ABCB4: variants seen among roughly 807,000 people sequenced by gnomAD.
ABCB4 encodes ATP binding cassette subfamily B member 4, also known as phosphatidylcholine translocator ABCB4.
Under a neutral mutation model 145.7 loss-of-function variants are expected in ABCB4, and 76 were observed. The observed-to-expected ratio is 0.52, with a 90% CI of 0.43 to 0.63. The LOEUF (loss-of-function observed/expected upper bound fraction) is 0.63. Among genes scored for constraint, ABCB4 ranks in the 30% least tolerant of loss-of-function variants. The pLI, the probability that ABCB4 is intolerant of heterozygous loss-of-function variation, is 0.00. For missense variants in ABCB4, 1,234 were observed against 1,553.1 expected, an observed-to-expected ratio of 0.79 and a Z score of 3.45; for synonymous variants, 517 against 566.8, an observed-to-expected ratio of 0.91 and a Z score of 1.25.
the ABCB4 span, among the ~76,000 whole-genome samples, chr7:87,367,581 T>G: frequency 4.8e-4 from 73 of 152,370 alleles, no homozygotes; most frequent in African/African-American, 1.7e-3. Flanking sequence ...TGCAATATGT[T>G]ACTGCAAATT....
rs897768452 is a variant in ABCB4 at position 87,447,051 on chromosome 7, T to C, written c.988A>G (p.Ile330Val). Residue 330 changes from isoleucine (I) to valine (V), a missense_variant, in exon 9 of 28, where the codon ATT becomes GTT. Ile to Val is a conservative substitution (Grantham distance 29). Transcript: ENST00000649586. Reference protein sequence around the residue: ...STLVISKEYTIGNAMTVFFSI... With the variant: ...STLVISKEYTVGNAMTVFFSI... ...CTACTTACTGTCATTGCATTTCCAATAGTATATTCTTTTGATATGACTAGA... is the reference window on the plus strand; with the variant it reads ...CTACTTACTGTCATTGCATTTCCAACAGTATATTCTTTTGATATGACTAGA... 1 of 1,613,334 alleles carries C rather than the reference T, an allele frequency of 6.2e-7. No homozygotes were observed. Among genetic ancestry groups the C allele is most frequent in the Non-Finnish European group, 8.5e-7 (1 of 1,179,358 alleles).
downstream of ABCB4, chr7:87,398,417 T>C: frequency 7.3e-7 from 1 of 1,368,732 alleles, no homozygotes; most frequent in Non-Finnish European, 1.0e-6. Flanking sequence ...TCAGCAAGAC[T>C]TCACATTTCA....
chr7:87,395,231 G>T, the ABCB4 span, among the ~76,000 whole-genome samples: 1 of 151,160 alleles, frequency 6.6e-6, no homozygotes, highest in African/African-American at 2.4e-5. Context: ...ACAGGAGAAA[G>T]ATGTAGGCTG....
rs1562983070 is a variant in ABCB4, at chr7:87,447,027, T to G, written c.1005+7A>C. 6.2e-7 allele frequency: 1 copy of G among 1,608,140 alleles called. No homozygotes were observed. The highest frequency in any genetic ancestry group is 8.5e-7 in the Non-Finnish European group (1 of 1,174,728). ...TATTCTTCATAAATGTTAGGAGAAC[T>G]ACTTACTGTCATTGCATTTCCAATA... is the stretch of plus-strand genomic sequence containing the variant. On this transcript the variant is annotated splice_region_variant and intron_variant, in intron 9 of 27. Coordinates refer to ENST00000649586, the MANE Select transcript of ABCB4 (RefSeq NM_000443.4).
chr7:87,388,873 A>G, the ABCB4 span, among the ~76,000 whole-genome samples: 1 of 152,074 alleles, frequency 6.6e-6, no homozygotes, highest in African/African-American at 2.4e-5. Flanking sequence ...TTGCAATCTA[A>G]CCACCTGACA....
At chr7:87,406,630 T>C (rs1808218010) in intron 25 of ABCB4, 136 bp from the exon 26 acceptor site, 2 of 921,132 alleles carry the variant, frequency 2.2e-6, no homozygotes, top group Admixed American at 4.6e-5. Context: ...CCAAGACTTA[T>C]ACCATTGAGG....
chr7:87,440,981 C>T (rs1422738665), intron 12 of ABCB4, among the ~76,000 whole-genome samples: 2 of 152,144 alleles, frequency 1.3e-5, no homozygotes, highest in South Asian at 2.1e-4. Flanking sequence ...ACCTCGTGAC[C>T]GCCCGCCTTG....
At chr7:87,374,420 T>C in the ABCB4 span, among the ~76,000 whole-genome samples, 6 of 152,078 alleles carry the variant, frequency 3.9e-5, no homozygotes, top group African/African-American at 1.2e-4. Context: ...AAAAGTTTCA[T>C]AGTCAAAACT....
In ABCB4 at chr7:87,413,619, G is replaced by T; in HGVS notation, c.2781C>A (p.Tyr927Ter). 6.3e-7 allele frequency: 1 copy of T among 1,583,686 alleles called. No individual in the cohort carries two copies. Among genetic ancestry groups the T allele is most frequent in the Admixed American group, 1.7e-5 (1 of 59,988 alleles). ...SMYVEKLYGPYRNSVQKAHIY... is the reference protein window; with the variant it reads ...SMYVEKLYGP Reference sequence around the variant, plus strand: ...GCAGGAATCATATGGTTCATTACCTGTAAGGTCCATACAATTTTTCAACAT... The same window carrying T: ...GCAGGAATCATATGGTTCATTACCTTTAAGGTCCATACAATTTTTCAACAT... The change falls in exon 22 of 28, where the codon TAC becomes TAA. Residue 927 changes from tyrosine (Y) to a stop codon, truncating the protein, a stop_gained and splice_region_variant. Coordinates refer to ENST00000649586, the MANE Select transcript of ABCB4 (RefSeq NM_000443.4). LOFTEE classifies it high-confidence loss of function.
intron 25 of ABCB4, among the ~76,000 whole-genome samples, chr7:87,407,476 T>C (rs544829398): frequency 6.6e-5 from 10 of 152,302 alleles, no homozygotes; most frequent in African/African-American, 2.2e-4. Flanking sequence ...ATGGGTGCTG[T>C]CCCAAGGTTA....
intron 7 of ABCB4, among the ~76,000 whole-genome samples, chr7:87,451,139 A>ATTTT (rs72422284): frequency 0.21 from 31,205 of 145,270 alleles, 4,191 homozygotes; most frequent in African/African-American, 0.39. Flanking sequence ...AGAACTGTGA[A>ATTTT]TTTTTTTTTT....
chr7:87,389,899 A>AT, the ABCB4 span, among the ~76,000 whole-genome samples: 1,063 of 149,614 alleles, frequency 7.1e-3, 11 homozygotes, highest in African/African-American at 0.011. Context: ...TTCACGCGGT[A>AT]TTTTTTTTTT....
intron 16 of ABCB4, among the ~76,000 whole-genome samples, chr7:87,425,765 A>G (rs1023994311): frequency 7.2e-5 from 11 of 152,106 alleles, no homozygotes; most frequent in African/African-American, 2.4e-4. Context: ...AGTCCCGGCT[A>G]CTAAGGAGGC....
downstream of ABCB4, chr7:87,398,209 A>G (rs1807607823): frequency 6.1e-6 from 3 of 492,660 alleles, no homozygotes; most frequent in Non-Finnish European, 1.2e-5. Context: ...GTAGCACTTT[A>G]GGAAGGACTT....
intron 15 of ABCB4, among the ~76,000 whole-genome samples, chr7:87,429,240 T>G (rs1810041211): frequency 6.6e-6 from 1 of 152,198 alleles, no homozygotes; most frequent in Admixed American, 6.5e-5. Context: ...GGTGGAACTA[T>G]TCAAAGGGGC....
intron 27 of ABCB4, 113 bp downstream of exon 27, chr7:87,403,022 C>A: frequency 1.7e-6 from 2 of 1,196,112 alleles, no homozygotes; most frequent in South Asian, 2.4e-5. Flanking sequence ...AAACCACTAT[C>A]TAACGTTCTG....
At chr7:87,460,448 C>T (rs1315264013) in intron 4 of ABCB4, among the ~76,000 whole-genome samples, 1 of 152,086 alleles carries the variant, frequency 6.6e-6, no homozygotes, top group Admixed American at 6.5e-5. Context: ...CCTCCCTCCC[C>T]TCTCTAGTAG....
At chr7:87,442,418 T>C (rs746354378) in intron 12 of ABCB4, among the ~76,000 whole-genome samples, 10 of 152,208 alleles carry the variant, frequency 6.6e-5, no homozygotes, top group Non-Finnish European at 1.3e-4. Context: ...TATAATCTTC[T>C]GTTTTCACAA....
the ABCB4 span, chr7:87,382,511 A>C: frequency 6.2e-7 from 1 of 1,613,928 alleles, no homozygotes; most frequent in East Asian, 2.2e-5. Flanking sequence ...TTCAGCTTGC[A>C]CTTCAGCTGG....
Sources: allele counts gnomAD v4.1 joint callset (sites outside exome capture counted in the v4.1 genomes callset), GRCh38; gene constraint gnomAD v4.1.1; transcripts MANE v1.5; gene names NCBI Gene and HGNC (gene_info 2026-07-23, HGNC 2026-07-21).